FOXP1: variants seen among roughly 807,000 people sequenced by gnomAD.
The protein encoded by FOXP1 is forkhead box protein P1.
Under a neutral mutation model 98.2 loss-of-function variants are expected in FOXP1, and 15 were observed. That is an observed-to-expected ratio of 0.15 (90% CI 0.10 to 0.24). The LOEUF (loss-of-function observed/expected upper bound fraction) is 0.24, where lower values mean the gene tolerates loss of function less well. FOXP1 is among the 10% of genes least tolerant of loss of function. The probability of loss-of-function intolerance (pLI) is 1.00; values close to 1 mark genes in which losing one functional copy is unlikely to be tolerated. For synonymous variants in FOXP1, 371 were observed against 314.5 expected, an observed-to-expected ratio of 1.18 and a Z score of -1.90; for missense variants, 633 against 848.5, an observed-to-expected ratio of 0.75 and a Z score of 3.15.
At chr3:71,330,610 G>C (rs752298095) in intron 4 of FOXP1, among the ~76,000 whole-genome samples, 7 of 152,206 alleles carry the variant, frequency 4.6e-5, no homozygotes, top group Admixed American at 1.3e-4. Context: ...ATAACTAAAA[G>C]AAATTTGCAT....
chr3:71,392,006 C>A (rs932873418), intron 3 of FOXP1, among the ~76,000 whole-genome samples: 1 of 152,170 alleles, frequency 6.6e-6, no homozygotes, highest in Non-Finnish European at 1.5e-5. Flanking sequence ...AAATCTATTA[C>A]TCAGTGAAGA....
intron 2 of FOXP1, among the ~76,000 whole-genome samples, chr3:71,526,908 G>A (rs998075354): frequency 4.0e-5 from 6 of 151,044 alleles, no homozygotes; most frequent in Admixed American, 1.3e-4. Flanking sequence ...CAGAGGTCGC[G>A]GTGAGCCAAG....
At chr3:71,550,566 G>A (rs1015436767) in intron 2 of FOXP1, among the ~76,000 whole-genome samples, 1 of 152,164 alleles carries the variant, frequency 6.6e-6, no homozygotes, top group African/African-American at 2.4e-5. Context: ...CAAAGCCATG[G>A]AAGCATGTGC....
At chr3:71,562,192 C>T (rs1180770294) in intron 2 of FOXP1, among the ~76,000 whole-genome samples, 1 of 152,144 alleles carries the variant, frequency 6.6e-6, no homozygotes, top group African/African-American at 2.4e-5. Flanking sequence ...GGACAGGGAG[C>T]AATGATAATC....
intron 13 of FOXP1, 150 bp downstream of exon 13, chr3:71,000,822 A>C (rs1480353382): frequency 3.3e-6 from 1 of 302,246 alleles, no homozygotes; most frequent in Non-Finnish European, 6.0e-6. Context: ...AATAAAATAA[A>C]ATAAAATAAA....
At chr3:71,364,824 G>T (rs1400317312) in intron 3 of FOXP1, among the ~76,000 whole-genome samples, 1 of 152,158 alleles carries the variant, frequency 6.6e-6, no homozygotes, top group Admixed American at 6.5e-5. Context: ...TAAATGTTGA[G>T]ATCATATTAA....
At chr3:71,088,020 A>G (rs538123351) in intron 7 of FOXP1, among the ~76,000 whole-genome samples, 19 of 152,360 alleles carry the variant, frequency 1.2e-4, no homozygotes, top group Middle Eastern at 3.4e-3. Flanking sequence ...GTTTTCAGAG[A>G]AGGCTAAGCC....
At chr3:71,244,836 C>T (rs865865889) in intron 5 of FOXP1, 4 of 151,780 alleles carry the variant, frequency 2.6e-5, no homozygotes, top group Admixed American at 2.0e-4. Context: ...AGGTCCCAGG[C>T]TAAATCAACA....
chr3:71,424,844 C>T (rs1577427053), intron 3 of FOXP1, among the ~76,000 whole-genome samples: 5 of 152,228 alleles, frequency 3.3e-5, no homozygotes, highest in African/African-American at 1.2e-4. Context: ...ATTGGAGAAG[C>T]CAAACACTTT....
At chr3:71,324,354 T>G (rs2075563713) in intron 4 of FOXP1, among the ~76,000 whole-genome samples, 1 of 152,122 alleles carries the variant, frequency 6.6e-6, no homozygotes, top group Non-Finnish European at 1.5e-5. Flanking sequence ...TAGCAAAGAC[T>G]TGGAACCAAC....
chr3:71,484,694 AG>A (rs571907536), intron 3 of FOXP1, among the ~76,000 whole-genome samples: 27 of 152,226 alleles, frequency 1.8e-4, no homozygotes, highest in Admixed American at 2.0e-4. Context: ...CCAGGACCTG[AG>A]GCTATCCACT....
chr3:71,379,906 G>A (rs2080012240), intron 3 of FOXP1, among the ~76,000 whole-genome samples: 1 of 152,152 alleles, frequency 6.6e-6, no homozygotes, highest in Admixed American at 6.5e-5. Flanking sequence ...TCTAGCTGTG[G>A]CAACTGATAC....
intron 2 of FOXP1, among the ~76,000 whole-genome samples, chr3:71,545,306 T>C (rs1354185142): frequency 6.6e-6 from 1 of 152,204 alleles, no homozygotes; most frequent in African/African-American, 2.4e-5. Context: ...CTTTGGGAAA[T>C]AGTGATATGT....
At chr3:71,269,577 T>C (rs2070122900) in intron 5 of FOXP1, among the ~76,000 whole-genome samples, 1 of 152,124 alleles carries the variant, frequency 6.6e-6, no homozygotes, top group African/African-American at 2.4e-5. Flanking sequence ...TACTAAACAA[T>C]ATTCATTAAG....
intron 7 of FOXP1, among the ~76,000 whole-genome samples, chr3:71,063,246 A>G (rs1419101685): frequency 6.6e-6 from 1 of 152,228 alleles, no homozygotes; most frequent in Non-Finnish European, 1.5e-5. Context: ...ACAGATATAG[A>G]CCTTTTCTCA....
In FOXP1 at chr3:70,970,557, G is replaced by A. The variant is rs111425991; in HGVS notation, c.1722+179C>T. 1,792 of 639,820 alleles carry A rather than the reference G, an allele frequency of 2.8e-3. 22 individuals are homozygous for A. Among genetic ancestry groups the A allele is most frequent in the African/African-American group, 0.027 (1,463 of 54,694 alleles). 39.6% of individuals were successfully genotyped at this position (639,820 alleles called of 1,614,324 possible). On this transcript the variant is annotated intron_variant, in intron 19 of 20. Transcript: ENST00000649528. Reference sequence around the variant, plus strand: ...CAATATTCAAAATGCTAAGCATCCCGCTAACGCTGAAGCAGCCCGATGTGT... The same window carrying A: ...CAATATTCAAAATGCTAAGCATCCCACTAACGCTGAAGCAGCCCGATGTGT...
intron 6 of FOXP1, among the ~76,000 whole-genome samples, chr3:71,117,061 C>T (rs2058423680): frequency 6.6e-6 from 1 of 151,622 alleles, no homozygotes. Context: ...TCATCTCCAA[C>T]TCCAATGCCT....
At chr3:71,197,479 C>T (rs1057339838) in intron 6 of FOXP1, among the ~76,000 whole-genome samples, 4 of 152,142 alleles carry the variant, frequency 2.6e-5, no homozygotes, top group African/African-American at 9.7e-5. Context: ...TTTTACCAGT[C>T]ACTCACAGGT....
At chr3:70,967,697 T>C (rs571861509) in intron 19 of FOXP1, among the ~76,000 whole-genome samples, 1 of 104,502 alleles carries the variant, frequency 9.6e-6, no homozygotes, top group South Asian at 3.0e-4. Flanking sequence ...GTTTTTTTTT[T>C]TTGTTTTTTT....
Sources: gnomAD v4.1 joint callset for allele counts (sites outside exome capture counted in the v4.1 genomes callset) on GRCh38, gnomAD v4.1.1 for gene constraint, MANE v1.5 for transcripts, NCBI Gene and HGNC (gene_info 2026-07-23, HGNC 2026-07-21) for gene names.